The following FAM167A variants were observed in gnomAD, a reference collection of about 807,000 sequenced individuals.
FAM167A encodes protein FAM167A.
A neutral mutation model predicts 14.9 loss-of-function variants in FAM167A; 23 were observed. The ratio of observed to expected loss-of-function variants is 1.55; its 90% CI spans 1.11 to 2.19. FAM167A has a LOEUF of 2.19. FAM167A is among the 30% of genes most tolerant of loss of function. The pLI is 0.00. For missense variants in FAM167A, 401 were observed against 281.5 expected, an observed-to-expected ratio of 1.42 and a Z score of -3.04; for synonymous variants, 174 against 117.7, an observed-to-expected ratio of 1.48 and a Z score of -3.10.
At chr8:11,457,462 G>A (rs1275356532) in intron 1 of FAM167A, among the ~76,000 whole-genome samples, 9 of 151,908 alleles carry the variant, frequency 5.9e-5, no homozygotes, top group Admixed American at 5.2e-4. Context: ...GGAGCCCAGC[G>A]CTCGCCTTCC....
intron 1 of FAM167A, among the ~76,000 whole-genome samples, chr8:11,459,580 G>T (rs966166262): frequency 1.3e-5 from 2 of 152,232 alleles, no homozygotes; most frequent in African/African-American, 4.8e-5. Flanking sequence ...TCTTTCCGGG[G>T]CTGGGGTCTT....
At position 11,421,508 on chromosome 8, in the gene FAM167A, T is replaced by G. The variant is rs536140043; in HGVS notation, c.*2865A>C. The G allele has an allele frequency of 7.9e-6, 3 of 381,380 alleles. No individual in the cohort carries two copies. The highest frequency in any genetic ancestry group is 6.2e-5 in the African/African-American group (3 of 48,412). 23.6% of individuals were successfully genotyped at this position (381,380 alleles called of 1,614,324 possible). ...TTTATATGGATATCTTCTTTTGAAG[T>G]ATTTTTATTTCACTTTTTCTAACAG... On this transcript the variant is annotated 3_prime_UTR_variant, in exon 3 of 3. Coordinates refer to ENST00000284486, the MANE Select transcript of FAM167A (RefSeq NM_053279.3).
intron 1 of FAM167A, among the ~76,000 whole-genome samples, chr8:11,473,926 G>T (rs1322028944): frequency 1.3e-5 from 2 of 151,850 alleles, no homozygotes; most frequent in Non-Finnish European, 2.9e-5. Flanking sequence ...AGGCTGGAGT[G>T]CAGTGGCGCA....
chr8:11,424,568 C>T lies in FAM167A; in HGVS notation c.450G>A (p.Lys150=). ...GGCGGCAGGTGTGTTCGATTTTCAG[C>T]TTGTTGATGTCGCCACGCAGGCGCA... The part of the protein sequence containing the change: ...QLMRLRGDIN[K]LKIEHTCRLH... Residue 150 remains lysine, a synonymous_variant, in exon 3 of 3, where the codon AAG becomes AAA. Coordinates refer to ENST00000284486, the MANE Select transcript of FAM167A (RefSeq NM_053279.3). The T allele has an allele frequency of 6.2e-7, 1 of 1,614,082 alleles. No individual in the cohort carries two copies. The highest frequency in any genetic ancestry group is 1.3e-5 in the African/African-American group (1 of 75,044).
At chr8:11,468,849 G>C (rs1436948663), upstream of FAM167A, among the ~76,000 whole-genome samples, 2 of 152,216 alleles carry the variant, frequency 1.3e-5, no homozygotes, top group Non-Finnish European at 2.9e-5. Flanking sequence ...AGGCAAGGGT[G>C]GTGTCTTGCC....
At chr8:11,438,613 G>C in intron 2 of FAM167A, 1 of 424,474 alleles carries the variant, frequency 2.4e-6, no homozygotes, top group Non-Finnish European at 4.6e-6. Flanking sequence ...AAAGTCAAAA[G>C]AATAATATTA....
At position 11,422,110 on chromosome 8, in the gene FAM167A, C is replaced by T. The variant is rs1804770182; in HGVS notation, c.*2263G>A. On this transcript the variant is annotated 3_prime_UTR_variant, in exon 3 of 3. Transcript: ENST00000284486. ...AAACATGTGTCTTGATCTTAGTTTC[C>T]ACCCAGAGAATGAAGAAAGCAAGCA... The T allele has an allele frequency of 9.8e-6, 3 of 306,320 alleles. No individual in the cohort carries two copies. Among genetic ancestry groups the T allele is most frequent in the Non-Finnish European group, 1.2e-5 (2 of 168,502 alleles). 19.0% of individuals were successfully genotyped at this position (306,320 alleles called of 1,614,324 possible).
intron 2 of FAM167A, chr8:11,438,664 T>C (rs1000110956): frequency 2.6e-6 from 1 of 387,372 alleles, no homozygotes; most frequent in Non-Finnish European, 5.0e-6. Context: ...GTGTATTTCC[T>C]TTCCTGGTTC....
intron 2 of FAM167A, among the ~76,000 whole-genome samples, chr8:11,439,308 C>G (rs548135460): frequency 6.6e-6 from 1 of 152,366 alleles, no homozygotes; most frequent in East Asian, 1.9e-4. Context: ...GCCCACTTCC[C>G]GTCGGAAGAC....
Position 11,444,608 on chromosome 8 carries a change from C to T in FAM167A, c.-197G>A, listed in dbSNP as rs1806669415. On this transcript the variant is annotated 5_prime_UTR_variant, in exon 2 of 3. Coordinates refer to ENST00000284486, the MANE Select transcript of FAM167A (RefSeq NM_053279.3). ...CCGCGCAGTGAGCCGCACAGGGCGC[C>T]CTCCTGGAGGCTCGGGTCTATGATC... 4 of 1,383,124 alleles carry T rather than the reference C, an allele frequency of 2.9e-6. No homozygotes were observed. Among genetic ancestry groups the T allele is most frequent in the South Asian group, 3.5e-5 (2 of 56,472 alleles). 85.7% of individuals were successfully genotyped at this position (1,383,124 alleles called of 1,614,324 possible). A position where few individuals can be genotyped will look rare whatever the true frequency, so the allele number is the denominator to read the frequency against.
intron 1 of FAM167A, among the ~76,000 whole-genome samples, chr8:11,456,356 G>T (rs1292135886): frequency 4.8e-3 from 202 of 42,472 alleles, no homozygotes; most frequent in African/African-American, 0.015. Context: ...TTGCCCTGCT[G>T]GGTGTGTGTG....
At chr8:11,447,865 A>G (rs907212958) in intron 1 of FAM167A, among the ~76,000 whole-genome samples, 16 of 152,262 alleles carry the variant, frequency 1.1e-4, no homozygotes, top group African/African-American at 3.6e-4. Context: ...CACAAGGCTC[A>G]GTATGAAACG....
At chr8:11,427,591 A>G (rs143581260) in intron 2 of FAM167A, among the ~76,000 whole-genome samples, 1,668 of 152,312 alleles carry the variant, frequency 0.011, 27 homozygotes, top group African/African-American at 0.038. Flanking sequence ...TGTTAGGTTT[A>G]TAATAGAGCA....
chr8:11,446,597 G>T (rs1364075541), intron 1 of FAM167A: 1 of 152,174 alleles, frequency 6.6e-6, no homozygotes, highest in Middle Eastern at 3.2e-3. Flanking sequence ...GTCTTGTCAG[G>T]CTTGCTAAGT....
At chr8:11,432,855 C>A (rs1489809296) in intron 2 of FAM167A, among the ~76,000 whole-genome samples, 1 of 152,156 alleles carries the variant, frequency 6.6e-6, no homozygotes, top group Non-Finnish European at 1.5e-5. Flanking sequence ...AAATGTGGCA[C>A]AGATACACCA....
At chr8:11,424,731 T>A (rs2116974986) in intron 2 of FAM167A, 95 bp from the exon 3 acceptor site, 1 of 1,490,266 alleles carries the variant, frequency 6.7e-7, no homozygotes, top group Non-Finnish European at 9.0e-7. Flanking sequence ...AATGTCTTAG[T>A]TCATTAAGTG....
Position 11,424,464 on chromosome 8 carries a change from G to A in FAM167A, c.554C>T (p.Pro185Leu), listed in dbSNP as rs761747530. 3.1e-6 allele frequency: 5 copies of A among 1,614,170 alleles called. No homozygotes were observed. The highest frequency in any genetic ancestry group is 3.3e-5 in the Admixed American group (2 of 60,028). ...GGAGAGGCTGAAGGAGGAGGCAAGA[G>A]GGGAGTCACAGAAGAGGTCGGCCAG... is the stretch of plus-strand genomic sequence containing the variant. Reference protein sequence around the residue: ...DELADLFCDSPLASSFSLSTP... With the variant: ...DELADLFCDSLLASSFSLSTP... Residue 185 changes from proline to leucine, a missense_variant, in exon 3 of 3, where the codon CCT becomes CTT. By Grantham distance (98) the Pro-to-Leu change is moderately conservative (BLOSUM62 -3). Coordinates refer to ENST00000284486, the MANE Select transcript of FAM167A (RefSeq NM_053279.3).
chr8:11,450,108 C>A (rs887288029), intron 1 of FAM167A, among the ~76,000 whole-genome samples: 2 of 152,206 alleles, frequency 1.3e-5, no homozygotes, highest in Non-Finnish European at 2.9e-5. Context: ...CCTGTCCCGC[C>A]GGACACCATG....
intron 1 of FAM167A, among the ~76,000 whole-genome samples, chr8:11,454,038 T>A (rs545627634): frequency 6.6e-6 from 1 of 152,218 alleles, no homozygotes; most frequent in Non-Finnish European, 1.5e-5. Context: ...TCTGCAGGTA[T>A]AACTGGGTTC....
Sources: allele counts gnomAD v4.1 joint callset (sites outside exome capture counted in the v4.1 genomes callset), GRCh38; gene constraint gnomAD v4.1.1; transcripts MANE v1.5; gene names NCBI Gene and HGNC (gene_info 2026-07-23, HGNC 2026-07-21).